FERMT2: variants seen among roughly 807,000 people sequenced by gnomAD.
FERMT2 encodes FERM domain containing kindlin 2.
Under a neutral mutation model 82.7 loss-of-function variants are expected in FERMT2, and 15 were observed. The observed-to-expected ratio is 0.18, with a 90% confidence interval of 0.12 to 0.28. FERMT2 has a LOEUF of 0.28. FERMT2 is among the 10% of genes least tolerant of loss of function. The pLI, the probability that FERMT2 is intolerant of heterozygous loss-of-function variation, is 1.00. For synonymous variants in FERMT2, 274 were observed against 271.5 expected, an observed-to-expected ratio of 1.01 and a Z score of -0.09; for missense variants, 645 against 809.4, an observed-to-expected ratio of 0.80 and a Z score of 2.46.
chr14:52,877,573 GC>G (rs1886039402), intron 7 of FERMT2, among the ~76,000 whole-genome samples: 1 of 12,096 alleles, frequency 8.3e-5, no homozygotes, highest in Non-Finnish European at 1.6e-4. Context: ...AGCTGTTCTT[GC>G]TTTTTTTTTT....
At chr14:52,889,560 G>C (rs1470074895) in intron 4 of FERMT2, among the ~76,000 whole-genome samples, 5 of 152,214 alleles carry the variant, frequency 3.3e-5, no homozygotes, top group African/African-American at 1.2e-4. Context: ...AAAGGTGCAA[G>C]TTAGTACAGT....
At position 52,864,396 on chromosome 14, in the gene FERMT2, A is replaced by C; in HGVS notation, c.1602+5T>G. 1 of 1,601,670 alleles carries C rather than the reference A, an allele frequency of 6.2e-7. No individual in the cohort carries two copies. Among genetic ancestry groups the C allele is most frequent in the South Asian group, 1.1e-5 (1 of 90,750 alleles). On this transcript the variant is annotated splice_donor_5th_base_variant and intron_variant, in intron 12 of 14. Transcript: ENST00000341590. Reference sequence around the variant, plus strand: ...ACAGTAGATGAAGTAAAATGAAGTAAGTACCTGCTTGTTCTTATACTTTTT... The same window carrying C: ...ACAGTAGATGAAGTAAAATGAAGTACGTACCTGCTTGTTCTTATACTTTTT...
intron 4 of FERMT2, chr14:52,881,883 G>A: frequency 2.8e-6 from 2 of 719,786 alleles, no homozygotes; most frequent in Non-Finnish European, 4.0e-6. Flanking sequence ...CACAACAGAG[G>A]ACAGAAACAA....
intron 2 of FERMT2, among the ~76,000 whole-genome samples, chr14:52,933,573 G>C (rs1489329601): frequency 6.6e-6 from 1 of 151,810 alleles, no homozygotes; most frequent in Non-Finnish European, 1.5e-5. Flanking sequence ...AGCCGGGCAT[G>C]GTGGCACATG....
At chr14:52,944,470 A>G (rs1283932055) in intron 2 of FERMT2, among the ~76,000 whole-genome samples, 4 of 152,222 alleles carry the variant, frequency 2.6e-5, no homozygotes, top group East Asian at 1.9e-4. Flanking sequence ...AAGCCAGGGT[A>G]TAAGGGAGCT....
At chr14:52,938,942 T>C (rs1889969658) in intron 2 of FERMT2, among the ~76,000 whole-genome samples, 1 of 152,156 alleles carries the variant, frequency 6.6e-6, no homozygotes, top group African/African-American at 2.4e-5. Context: ...TGTGGAAGCA[T>C]AAAATCTGCT....
intron 3 of FERMT2, among the ~76,000 whole-genome samples, chr14:52,902,786 T>C (rs905646025): frequency 3.5e-5 from 5 of 143,680 alleles, no homozygotes; most frequent in Non-Finnish European, 6.0e-5. Flanking sequence ...GGAGAATCAC[T>C]TGAACCCAGG....
At position 52,893,318 on chromosome 14, in the gene FERMT2, C is replaced by T. The variant is rs779265109; in HGVS notation, c.501G>A (p.Glu167=). ...CTGATCCAGGAGTGATAAGAGGCCC[C>T]TCTAATTCAAGTGCCTCATCTTCAG... ...DQSEDEALEL[E]GPLITPGSGS... is the part of the protein sequence containing the mutation. The change falls in exon 4 of 15, where the codon GAG becomes GAA. Residue 167 remains glutamate (E), a synonymous_variant. Coordinates refer to ENST00000341590, the MANE Select transcript of FERMT2 (RefSeq NM_006832.3). 10 of 1,610,456 alleles carry T rather than the reference C, an allele frequency of 6.2e-6. No individual in the cohort carries two copies. The highest frequency in any genetic ancestry group is 3.3e-4 in the Middle Eastern group (2 of 6,040).
intron 9 of FERMT2, among the ~76,000 whole-genome samples, chr14:52,873,147 A>C (rs1885735281): frequency 1.3e-5 from 2 of 152,176 alleles, no homozygotes; most frequent in Non-Finnish European, 2.9e-5. Context: ...TTCCGAGGAG[A>C]AAGGCAGTAG....
At chr14:52,946,143 G>A (rs1469950864) in intron 2 of FERMT2, among the ~76,000 whole-genome samples, 4 of 152,048 alleles carry the variant, frequency 2.6e-5, no homozygotes, top group South Asian at 2.1e-4. Flanking sequence ...CCAAAGTGCT[G>A]GGATTAGAGG....
chr14:52,939,358 G>C (rs542132158), intron 2 of FERMT2, among the ~76,000 whole-genome samples: 7 of 140,990 alleles, frequency 5.0e-5, no homozygotes, highest in Admixed American at 3.7e-4. Context: ...GGGCGACAGA[G>C]TGAGACTACG....
intron 4 of FERMT2, among the ~76,000 whole-genome samples, chr14:52,887,868 A>G (rs1052244182): frequency 6.6e-6 from 1 of 152,200 alleles, no homozygotes; most frequent in Non-Finnish European, 1.5e-5. Context: ...GTTAAATAAA[A>G]TTACTTAACC....
intron 3 of FERMT2, among the ~76,000 whole-genome samples, chr14:52,903,275 T>G (rs1265903039): frequency 6.6e-6 from 1 of 152,098 alleles, no homozygotes; most frequent in East Asian, 1.9e-4. Context: ...TGGTGACTCA[T>G]GCCTGTAATC....
At chr14:52,931,574 G>A (rs1224339419) in intron 2 of FERMT2, among the ~76,000 whole-genome samples, 15 of 152,162 alleles carry the variant, frequency 9.9e-5, no homozygotes, top group Admixed American at 9.8e-4. Context: ...GGGTCTCAAG[G>A]ACACTGATTT....
At chr14:52,945,237 G>T (rs114220594) in intron 2 of FERMT2, among the ~76,000 whole-genome samples, 3,206 of 149,172 alleles carry the variant, frequency 0.021, 76 homozygotes, top group East Asian at 0.072. Context: ...ATGTTTTTTT[G>T]TTGTTGTTTT....
intron 3 of FERMT2, among the ~76,000 whole-genome samples, chr14:52,918,478 A>T (rs1888755458): frequency 6.6e-6 from 1 of 152,194 alleles, no homozygotes; most frequent in African/African-American, 2.4e-5. Context: ...CTTTATTTGG[A>T]ATTAAAATAT....
At chr14:52,944,772 C>T (rs1890251526) in intron 2 of FERMT2, among the ~76,000 whole-genome samples, 1 of 152,190 alleles carries the variant, frequency 6.6e-6, no homozygotes, top group Non-Finnish European at 1.5e-5. Flanking sequence ...CACAATCTAA[C>T]TTGATCCTAA....
intron 3 of FERMT2, among the ~76,000 whole-genome samples, chr14:52,904,576 C>A (rs1474238022): frequency 6.6e-6 from 1 of 151,030 alleles, no homozygotes; most frequent in Non-Finnish European, 1.5e-5. Flanking sequence ...GCCTGTAATC[C>A]CAGCTACTCG....
chr14:52,869,283 A>C (rs564555818), intron 10 of FERMT2, among the ~76,000 whole-genome samples: 134 of 152,306 alleles, frequency 8.8e-4, no homozygotes, highest in East Asian at 1.7e-3. Context: ...TGGGAATAGC[A>C]ATTGTTTACC....
Sources: allele counts gnomAD v4.1 joint callset (sites outside exome capture counted in the v4.1 genomes callset), GRCh38; gene constraint gnomAD v4.1.1; transcripts MANE v1.5; gene names NCBI Gene and HGNC (gene_info 2026-07-23, HGNC 2026-07-21).